HEG1: variants seen among roughly 807,000 people sequenced by gnomAD.
HEG1 encodes heart development protein with EGF like domains 1.
HEG1 carries 56 observed loss-of-function variants against 125.6 expected under a neutral mutation model. The observed-to-expected ratio is 0.45, with a 90% CI of 0.36 to 0.56. HEG1 has a LOEUF of 0.56. Among genes scored for constraint, HEG1 ranks in the 20% least tolerant of loss-of-function variants. The probability of loss-of-function intolerance (pLI) is 0.00; values close to 1 mark genes in which losing one functional copy is unlikely to be tolerated. For synonymous variants in HEG1, 644 were observed against 668.5 expected (o/e 0.96, Z 0.57); for missense variants, 1,523 against 1,670.0 (o/e 0.91, Z 1.53).
rs1160152265 is a variant in HEG1, at chr3:124,968,194, GC to G, written c.*2457del. 2.0e-5 allele frequency: 3 copies of G among 152,388 alleles called. No individual in the cohort carries two copies. The highest frequency in any genetic ancestry group is 4.4e-5 in the Non-Finnish European group (3 of 68,202). 9.4% of individuals were successfully genotyped at this position (152,388 alleles called of 1,614,324 possible). A position where few individuals can be genotyped will look rare whatever the true frequency, so the allele number is the denominator to read the frequency against. On this transcript the variant is annotated 3_prime_UTR_variant, in exon 17 of 17. Transcript: ENST00000311127. Reference sequence around the variant, plus strand: ...CCAGGTGTGCATCCAGGCCTCTTCTGCTATCAGGTGTTTCCCCTCGGCCTAG... The same window carrying G: ...CCAGGTGTGCATCCAGGCCTCTTCTGTATCAGGTGTTTCCCCTCGGCCTAG...
intron 1 of HEG1, among the ~76,000 whole-genome samples, chr3:125,052,253 AG>A (rs1937830030): frequency 6.6e-6 from 1 of 151,890 alleles, no homozygotes; most frequent in African/African-American, 2.4e-5. Flanking sequence ...TCTGGAGGGA[AG>A]CCACTCTCCC....
chr3:124,978,840 A>AATAAATAAATAC (rs1311106167), intron 14 of HEG1, among the ~76,000 whole-genome samples: 1 of 151,382 alleles, frequency 6.6e-6, no homozygotes, highest in Non-Finnish European at 1.5e-5. Flanking sequence ...TAAATAAATA[A>AATAAATAAATAC]ATAAAAAAGT....
At chr3:125,006,063 C>T (rs139151136) in intron 8 of HEG1, among the ~76,000 whole-genome samples, 101 of 152,308 alleles carry the variant, frequency 6.6e-4, no homozygotes, top group African/African-American at 2.3e-3. Context: ...CAAAGCTCTC[C>T]TTTCCCCTAT....
chr3:125,048,464 G>A (rs1937729196), intron 1 of HEG1, among the ~76,000 whole-genome samples: 1 of 152,224 alleles, frequency 6.6e-6, no homozygotes, highest in African/African-American at 2.4e-5. Context: ...CATCTGCCCT[G>A]GCTGCTCCCC....
rs1368834238 is a variant in HEG1, at chr3:125,010,503, G to C, written c.3009C>G (p.Asp1003Glu). ...TGCAGTGGTAGCCACGGCTGGTGTT[G>C]TCTGCGACGCATTCGCCATTGTGAA... ...PCLHNGECVA[D>E]NTSRGYHCRC... Residue 1003 changes from aspartate (D) to glutamate (E), a missense_variant, in exon 7 of 17, where the codon GAC becomes GAG. Transcript: ENST00000311127. 1 of 1,560,598 alleles carries C rather than the reference G, an allele frequency of 6.4e-7. No individual in the cohort carries two copies. The highest frequency in any genetic ancestry group is 1.2e-5 in the South Asian group (1 of 84,482).
chr3:124,987,952 C>CACACACACACATATATATATATAT, intron 14 of HEG1, among the ~76,000 whole-genome samples: 10 of 54,704 alleles, frequency 1.8e-4, no homozygotes, highest in South Asian at 9.7e-4. Context: ...CACACACACA[C>CACACACACACATATATATATATAT]ATATATATAT....
rs1335080379 is a variant in HEG1 at position 124,970,747 on chromosome 3, T to C, written c.4051A>G (p.Thr1351Ala). The C allele has an allele frequency of 2.5e-6, 4 of 1,610,676 alleles. No homozygotes were observed. Among genetic ancestry groups the C allele is most frequent in the African/African-American group, 1.3e-5 (1 of 74,884 alleles). ...GAATGCCGTGATCCTGGCAGTCCAGTGTAGGCCGGGTAGAGTCCGTTTCGT... is the reference window on the plus strand; with the variant it reads ...GAATGCCGTGATCCTGGCAGTCCAGCGTAGGCCGGGTAGAGTCCGTTTCGT... ...LERNGLYPAYTGLPGSRHSCI... is the reference protein window; with the variant it reads ...LERNGLYPAYAGLPGSRHSCI... Residue 1351 changes from threonine (T) to alanine (A), a missense_variant, in exon 17 of 17, where the codon ACT (threonine) becomes GCT (alanine). Physicochemically the swap from Thr to Ala is moderately conservative, Grantham distance 58. Transcript: ENST00000311127.
rs1937010199 is a variant in HEG1, at chr3:125,002,109, G to A, written c.3357-97C>T. ...TGTCATCGCCATTCACCAGTGACGG[G>A]ATGGGAGAGCATGAAGGTCAGTGAC... On this transcript the variant is annotated intron_variant, in intron 10 of 16. Coordinates refer to ENST00000311127, the MANE Select transcript of HEG1 (RefSeq NM_020733.2). 6 of 1,534,072 alleles carry A rather than the reference G, an allele frequency of 3.9e-6. No homozygotes were observed. The African/African-American group carries it at 8.2e-5, about 21-fold the overall frequency.
chr3:125,054,953 G>C (rs1012057442), intron 1 of HEG1, among the ~76,000 whole-genome samples: 5 of 152,136 alleles, frequency 3.3e-5, no homozygotes, highest in South Asian at 2.1e-4. Context: ...TGGCTACCAC[G>C]GAGCAACAGT....
chr3:124,988,775 G>GGT (rs1375238177), intron 14 of HEG1, among the ~76,000 whole-genome samples: 1 of 152,168 alleles, frequency 6.6e-6, no homozygotes, highest in Non-Finnish European at 1.5e-5. Context: ...AAATTAGCTA[G>GGT]GTGTGGTGGT....
intron 3 of HEG1, among the ~76,000 whole-genome samples, chr3:125,025,118 C>T (rs1241154768): frequency 1.3e-5 from 2 of 152,188 alleles, no homozygotes; most frequent in Non-Finnish European, 2.9e-5. Context: ...GCTCCTGTAT[C>T]GTGTAGTCAG....
intron 1 of HEG1, among the ~76,000 whole-genome samples, chr3:125,032,136 A>T (rs1344236341): frequency 1.3e-5 from 2 of 152,182 alleles, no homozygotes; most frequent in African/African-American, 4.8e-5. Context: ...CCATAGCCAC[A>T]CGTGGCTGGT....
chr3:125,023,953 G>C (rs1055899656), intron 3 of HEG1, among the ~76,000 whole-genome samples: 1 of 131,666 alleles, frequency 7.6e-6, no homozygotes, highest in Non-Finnish European at 1.7e-5. Flanking sequence ...AGAACTTGCC[G>C]AAAGTACAGC....
At chr3:125,031,332 AAC>A (rs1937494481) in intron 1 of HEG1, among the ~76,000 whole-genome samples, 1 of 152,206 alleles carries the variant, frequency 6.6e-6, no homozygotes, top group South Asian at 2.1e-4. Flanking sequence ...GCATTCTGAG[AAC>A]ACTGTCCTTT....
intron 1 of HEG1, among the ~76,000 whole-genome samples, chr3:125,030,199 T>C (rs956486008): frequency 3.9e-5 from 6 of 152,152 alleles, no homozygotes; most frequent in African/African-American, 1.2e-4. Flanking sequence ...AGGAAGCTAT[T>C]ATAAAAGCTG....
Position 125,055,300 on chromosome 3 carries a change from T to A in HEG1, c.316+275A>T, listed in dbSNP as rs1000120483. On this transcript the variant is annotated intron_variant, in intron 1 of 16. Transcript: ENST00000311127. ...TTTTCCCTTTCCTTTCCATTTTTTT[T>A]AAAGTGGGGTGGAAGAGATACAGGG... Among the ~76,000 whole-genome samples the A allele has an allele frequency of 7.9e-5, 12 of 152,210 alleles. No homozygotes were observed. In the East Asian group the frequency reaches 9.7e-4, roughly 12 times the overall value.
At chr3:124,974,043 T>A (rs947077592) in intron 15 of HEG1, 138 bp from the exon 16 acceptor site, 2 of 617,990 alleles carry the variant, frequency 3.2e-6, no homozygotes, top group Admixed American at 6.3e-5. Flanking sequence ...TGAGTAGTAT[T>A]ATTATTGTTG....
chr3:125,029,272 C>T lies in HEG1; in HGVS notation c.533G>A (p.Arg178Lys). Residue 178 changes from arginine to lysine, a missense_variant, in exon 2 of 17, where the codon AGA (arginine) becomes AAA (lysine). Transcript: ENST00000311127. ...AACAGGCAAAATGGTGAAGTTTGTT[C>T]TACTTGAAGAGCCGCTCCTTCCTCT... ...DARGRSGSSS[R>K]TNFTILPVGY... 6.2e-7 allele frequency: 1 copy of T among 1,613,738 alleles called. No homozygotes were observed. The highest frequency in any genetic ancestry group is 8.5e-7 in the Non-Finnish European group (1 of 1,179,786).
chr3:125,014,939 C>T (rs948698429), intron 5 of HEG1: 40 of 1,289,016 alleles, frequency 3.1e-5, no homozygotes, highest in Non-Finnish European at 3.6e-5. Flanking sequence ...GAGAGGGCAC[C>T]CCAGAAGTCC....
Sources: gnomAD v4.1 joint callset for allele counts (sites outside exome capture counted in the v4.1 genomes callset) on GRCh38, gnomAD v4.1.1 for gene constraint, MANE v1.5 for transcripts, NCBI Gene and HGNC (gene_info 2026-07-23, HGNC 2026-07-21) for gene names.